ARFIP2: variants seen among roughly 807,000 people sequenced by gnomAD.
ARFIP2 encodes the protein ARF interacting protein 2, also known as arfaptin-2.
Under a neutral mutation model 39.2 loss-of-function variants are expected in ARFIP2, and 14 were observed. The observed-to-expected ratio is 0.36, with a 90% CI of 0.24 to 0.56. ARFIP2 has a LOEUF of 0.56. Among genes scored for constraint, ARFIP2 ranks in the 20% least tolerant of loss-of-function variants. The pLI is 0.85. For missense variants in ARFIP2, 305 were observed against 422.5 expected (o/e 0.72, Z 2.44); for synonymous variants, 167 against 172.4 (o/e 0.97, Z 0.24).
chr11:6,479,413 C>A (rs1851484731), intron 3 of ARFIP2, 155 bp from the exon 4 acceptor site: 1 of 1,515,514 alleles, frequency 6.6e-7, no homozygotes, highest in Non-Finnish European at 8.9e-7. Flanking sequence ...GGAACTCGGA[C>A]TTTGCGCGGT....
rs761386615 is a variant in ARFIP2 at position 6,479,230 on chromosome 11, G to A, written c.225C>T (p.Thr75=). ...CCTCATCTCCAGGGCCAGAAGGAGT[G>A]GTGCTGTGAGATGGATGGCGGCCAG... ...TGSGRHPSHS[T]TPSGPGDEVA... The change falls in exon 4 of 8, where the codon ACC becomes ACT. Residue 75 remains threonine (T), a synonymous_variant. Transcript: ENST00000396777. 16 of 1,614,142 alleles carry A rather than the reference G, an allele frequency of 9.9e-6. No individual in the cohort carries two copies. Among genetic ancestry groups the A allele is most frequent in the Non-Finnish European group, 1.4e-5 (16 of 1,180,038 alleles).
In ARFIP2 at chr11:6,479,457, TG is replaced by T. The variant is rs1270136627; in HGVS notation, c.197-200del. ...AATCCTGATATACATATGGCCTCCT[TG>T]GGGGTTAGAGGAGGGGTTTGCAGGG... On this transcript the variant is annotated intron_variant, in intron 3 of 7. Coordinates refer to ENST00000396777, the MANE Select transcript of ARFIP2 (RefSeq NM_001376558.2). 29 of 1,021,062 alleles carry T rather than the reference TG, an allele frequency of 2.8e-5. No individual in the cohort carries two copies. In the East Asian group the frequency reaches 5.7e-4, roughly 20 times the overall value. The allele number at this position is 1,021,062 out of a possible 1,614,324, so 63.3% of individuals were successfully genotyped here. A position where few individuals can be genotyped will look rare whatever the true frequency, so the allele number is the denominator to read the frequency against.
rs1851144210 is a variant in ARFIP2, at chr11:6,477,029, AG to A, written c.*83del. The A allele has an allele frequency of 4.2e-6, 6 of 1,436,800 alleles. No individual in the cohort carries two copies. The African/African-American group carries it at 4.3e-5, about 10-fold the overall frequency. 89.0% of individuals were successfully genotyped at this position (1,436,800 alleles called of 1,614,324 possible). A position where few individuals can be genotyped will look rare whatever the true frequency, so the allele number is the denominator to read the frequency against. ...GCCCAAGCCAGAGGGCAAGTGACAAAGGATGTACCATGTCCAATCTCCCACA... is the reference window on the plus strand; with the variant it reads ...GCCCAAGCCAGAGGGCAAGTGACAAAGATGTACCATGTCCAATCTCCCACA... On this transcript the variant is annotated 3_prime_UTR_variant, in exon 8 of 8. Coordinates refer to ENST00000396777, the MANE Select transcript of ARFIP2 (RefSeq NM_001376558.2). The surrounding 1 kb of genome is among the most constrained non-coding windows in gnomAD (Gnocchi z 4.8).
rs544458967 is a variant in ARFIP2 at position 6,479,473 on chromosome 11, G to C, written c.197-215C>G. Reference sequence around the variant, plus strand: ...TGGCCTCCTTGGGGGTTAGAGGAGGGGTTTGCAGGGAGTTGTTGGTGTACA... The same window carrying C: ...TGGCCTCCTTGGGGGTTAGAGGAGGCGTTTGCAGGGAGTTGTTGGTGTACA... On this transcript the variant is annotated intron_variant, in intron 3 of 7. Coordinates refer to ENST00000396777, the MANE Select transcript of ARFIP2 (RefSeq NM_001376558.2). The C allele has an allele frequency of 1.8e-5, 15 of 836,334 alleles. No homozygotes were observed. In the East Asian group the frequency reaches 4.0e-4, roughly 22 times the overall value. The allele number at this position is 836,334 out of a possible 1,614,324, so 51.8% of individuals were successfully genotyped here.
In ARFIP2 at chr11:6,477,067, C is replaced by A; in HGVS notation, c.*46G>T. On this transcript the variant is annotated 3_prime_UTR_variant, in exon 8 of 8. Coordinates refer to ENST00000396777, the MANE Select transcript of ARFIP2 (RefSeq NM_001376558.2). This position sits in a 1 kb window ranked among gnomAD's most constrained non-coding sequence, Gnocchi z 4.8. ...TCCAATCTCCCACACCCTGGGGCTG[C>A]CCTTCCCAATGTCTTTCTTGATAGC... 1 of 1,572,094 alleles carries A rather than the reference C, an allele frequency of 6.4e-7. No individual in the cohort carries two copies. Among genetic ancestry groups the A allele is most frequent in the Non-Finnish European group, 8.7e-7 (1 of 1,154,232 alleles).
Position 6,476,770 on chromosome 11 carries a change from G to T in ARFIP2, c.*343C>A, listed in dbSNP as rs545710988. ...GAGAAGAGCTGCCATTGGCTGACAG[G>T]GCATTTTCAGGCTCTGTCATTGGTC... On this transcript the variant is annotated 3_prime_UTR_variant, in exon 8 of 8. Coordinates refer to ENST00000396777, the MANE Select transcript of ARFIP2 (RefSeq NM_001376558.2). 1 of 247,210 alleles carries T rather than the reference G, an allele frequency of 4.0e-6. No homozygotes were observed. The highest frequency in any genetic ancestry group is 6.9e-5 in the South Asian group (1 of 14,498). The allele number at this position is 247,210 out of a possible 1,614,324, so 15.3% of individuals were successfully genotyped here.
intron 1 of ARFIP2, 52 bp from the exon 2 acceptor site, chr11:6,480,515 G>C: frequency 1.1e-6 from 1 of 934,328 alleles, no homozygotes. Flanking sequence ...TCTAGAAGAA[G>C]GAGGCCTCCT....
chr11:6,476,889 A>G lies in ARFIP2; in HGVS notation c.*224T>C, dbSNP rs1937750820. ...GTGAAGTGGAAGGAAAAGATCTGGG[A>G]ATGAAGCCCTGTGGCCAGGAAGATA... On this transcript the variant is annotated 3_prime_UTR_variant, in exon 8 of 8. Transcript: ENST00000396777. 1 of 494,886 alleles carries G rather than the reference A, an allele frequency of 2.0e-6. No homozygotes were observed. Among genetic ancestry groups the G allele is most frequent in the Non-Finnish European group, 3.6e-6 (1 of 280,438 alleles). The allele number at this position is 494,886 out of a possible 1,614,324, so 30.7% of individuals were successfully genotyped here. A position where few individuals can be genotyped will look rare whatever the true frequency, so the allele number is the denominator to read the frequency against.
chr11:6,480,489 G>C (rs1191068647), intron 1 of ARFIP2, 26 bp from the exon 2 acceptor site: 2 of 1,278,896 alleles, frequency 1.6e-6, no homozygotes, highest in African/African-American at 1.5e-5. Flanking sequence ...CAGAAGTTCT[G>C]GACACTGGCC....
chr11:6,477,902 G>T lies in ARFIP2; in HGVS notation c.696-10C>A, dbSNP rs1851270561. ...GGCATCATATTCCAGCCTGGGGAGG[G>T]GGTGATAAAGGCTGGTCTCCACTCC... is the stretch of plus-strand genomic sequence containing the variant. On this transcript the variant is annotated splice_polypyrimidine_tract_variant and intron_variant, in intron 6 of 7. Transcript: ENST00000396777. This position sits in a 1 kb window ranked among gnomAD's most constrained non-coding sequence, Gnocchi z 4.8. 1 of 1,613,266 alleles carries T rather than the reference G, an allele frequency of 6.2e-7. No individual in the cohort carries two copies. The highest frequency in any genetic ancestry group is 8.5e-7 in the Non-Finnish European group (1 of 1,179,594).
intron 1 of ARFIP2, chr11:6,480,832 A>G (rs1372216029): frequency 2.2e-5 from 4 of 177,910 alleles, no homozygotes; most frequent in African/African-American, 7.2e-5. Flanking sequence ...GTTTATGCTG[A>G]GGAGATGAAC....
At position 6,477,896 on chromosome 11, in the gene ARFIP2, G is replaced by C. The variant is rs1221285360; in HGVS notation, c.696-4C>G. The C allele has an allele frequency of 1.2e-6, 2 of 1,613,452 alleles. No individual in the cohort carries two copies. The highest frequency in any genetic ancestry group is 2.2e-5 in the South Asian group (2 of 91,048). ...TCGGTAGGCATCATATTCCAGCCTG[G>C]GGAGGGGGTGATAAAGGCTGGTCTC... On this transcript the variant is annotated splice_region_variant and splice_polypyrimidine_tract_variant and intron_variant, in intron 6 of 7. Transcript: ENST00000396777. This position sits in a 1 kb window ranked among gnomAD's most constrained non-coding sequence, Gnocchi z 4.8.
rs1278216791 is a variant in ARFIP2, at chr11:6,477,811, C to T, written c.777G>A (p.Glu259=). 4 of 1,614,038 alleles carry T rather than the reference C, an allele frequency of 2.5e-6. No homozygotes were observed. In the East Asian group the frequency reaches 8.9e-5, roughly 36 times the overall value. The change falls in exon 7 of 8, where the codon GAG becomes GAA. Residue 259 remains glutamate, a synonymous_variant. Coordinates refer to ENST00000396777, the MANE Select transcript of ARFIP2 (RefSeq NM_001376558.2). The surrounding 1 kb of genome is among the most constrained non-coding windows in gnomAD (Gnocchi z 4.8). The part of the protein sequence containing the change: ...PRDAGTRGRL[E]SAQATFQAHR... Reference sequence around the variant, plus strand: ...GGGCCTGGAAAGTGGCCTGGGCACTCTCAAGTCGACCACGTGTCCCTGCAT... The same window carrying T: ...GGGCCTGGAAAGTGGCCTGGGCACTTTCAAGTCGACCACGTGTCCCTGCAT...
chr11:6,476,920 G>A lies in ARFIP2; in HGVS notation c.*193C>T. ...GCCCTGTGGCCAGGAAGATAGACAG[G>A]GCAGCAACTTCTGGGCCTCCAGGCC... is the stretch of plus-strand genomic sequence containing the variant. On this transcript the variant is annotated 3_prime_UTR_variant, in exon 8 of 8. Coordinates refer to ENST00000396777, the MANE Select transcript of ARFIP2 (RefSeq NM_001376558.2). 1.7e-6 allele frequency: 1 copy of A among 591,458 alleles called. No individual in the cohort carries two copies. The highest frequency in any genetic ancestry group is 2.4e-5 in the South Asian group (1 of 41,968). 36.6% of individuals were successfully genotyped at this position (591,458 alleles called of 1,614,324 possible).
At position 6,477,220 on chromosome 11, in the gene ARFIP2, C is replaced by T. The variant is rs1486075282; in HGVS notation, c.919G>A (p.Ala307Thr). The T allele has an allele frequency of 4.3e-6, 7 of 1,613,508 alleles. No homozygotes were observed. The highest frequency in any genetic ancestry group is 2.2e-5 in the East Asian group (1 of 44,870). The part of the protein sequence containing the change: ...QLLLFHNAVS[A>T]YFAGNQKQLE... ...TGTTTCTGGTTCCCAGCAAAGTAGG[C>T]GGACACAGCATTGTGGAAGAGCAGC... Residue 307 changes from alanine (A) to threonine (T), a missense_variant, in exon 8 of 8, where the codon GCC becomes ACC. Ala to Thr is a moderately conservative substitution (Grantham distance 58). Around this residue, in one of 3 missense-constraint regions of ARFIP2, gnomAD observed 112 missense variants for 118.2 expected, o/e 0.95. Transcript: ENST00000396777. The surrounding 1 kb of genome is among the most constrained non-coding windows in gnomAD (Gnocchi z 4.8).
At position 6,476,743 on chromosome 11, in the gene ARFIP2, C is replaced by T; in HGVS notation, c.*370G>A. 1 of 228,418 alleles carries T rather than the reference C, an allele frequency of 4.4e-6. No homozygotes were observed. Among genetic ancestry groups the T allele is most frequent in the South Asian group, 7.1e-5 (1 of 14,052 alleles). The allele number at this position is 228,418 out of a possible 1,614,324, so 14.1% of individuals were successfully genotyped here. A position where few individuals can be genotyped will look rare whatever the true frequency, so the allele number is the denominator to read the frequency against. On this transcript the variant is annotated 3_prime_UTR_variant, in exon 8 of 8. Coordinates refer to ENST00000396777, the MANE Select transcript of ARFIP2 (RefSeq NM_001376558.2). ...CGCAACATCATTGGCCCAGGGGAGT[C>T]CGAGAAGAGCTGCCATTGGCTGACA...
Position 6,477,710 on chromosome 11 carries a change from G to C in ARFIP2, c.870+8C>G. On this transcript the variant is annotated splice_region_variant and intron_variant, in intron 7 of 7. Coordinates refer to ENST00000396777, the MANE Select transcript of ARFIP2 (RefSeq NM_001376558.2). The surrounding 1 kb of genome is among the most constrained non-coding windows in gnomAD (Gnocchi z 4.8). ...GGTGGGCTAGGGTCAAGGGGGTGGG[G>C]TTGGCACCTTGTTTTCTTCCAGGAA... 6.2e-7 allele frequency: 1 copy of C among 1,613,498 alleles called. No individual in the cohort carries two copies. Among genetic ancestry groups the C allele is most frequent in the East Asian group, 2.2e-5 (1 of 44,870 alleles).
At position 6,480,439 on chromosome 11, in the gene ARFIP2, G is replaced by A. The variant is rs762898958; in HGVS notation, c.-18C>T. The A allele has an allele frequency of 6.3e-7, 1 of 1,593,406 alleles. No individual in the cohort carries two copies. Among genetic ancestry groups the A allele is most frequent in the Non-Finnish European group, 8.6e-7 (1 of 1,168,542 alleles). On this transcript the variant is annotated 5_prime_UTR_variant, in exon 2 of 8. Transcript: ENST00000396777. ...TCCGTCATGGCTAGGAAAGGTATTG[G>A]AGTAAAACTCTCCACCCCAGCACCC...
At chr11:6,480,790 T>G (rs1245064443) in intron 1 of ARFIP2, 1 of 203,012 alleles carries the variant, frequency 4.9e-6, no homozygotes. Context: ...AGGGAAAGTC[T>G]GCTCTCTTAG....
Sources: gnomAD v4.1 joint callset for allele counts on GRCh38, gnomAD v4.1.1 for gene constraint, gnomAD v4.1.1 regional missense constraint, Gnocchi (gnomAD v3.1) non-coding constraint, MANE v1.5 for transcripts, NCBI Gene and HGNC (gene_info 2026-07-23, HGNC 2026-07-21) for gene names.